The following PRKN variants were observed in gnomAD, a reference collection of about 807,000 sequenced individuals.
PRKN encodes E3 ubiquitin-protein ligase parkin.
A neutral mutation model predicts 59.5 loss-of-function variants in PRKN; 56 were observed. The ratio of observed to expected loss-of-function variants is 0.94; its 90% confidence interval spans 0.76 to 1.18. The LOEUF (loss-of-function observed/expected upper bound fraction) is 1.18. PRKN is among the 50% of genes most tolerant of loss of function. The probability of loss-of-function intolerance (pLI) is 0.00; values close to 1 mark genes in which losing one functional copy is unlikely to be tolerated. For missense variants in PRKN, 657 were observed against 596.4 expected, an observed-to-expected ratio of 1.10 and a Z score of -1.06; for synonymous variants, 250 against 222.1, an observed-to-expected ratio of 1.13 and a Z score of -1.12.
chr6:161,946,414 A>ACTCTCTCTCT (rs61537965), intron 6 of PRKN, among the ~76,000 whole-genome samples: 4 of 114,448 alleles, frequency 3.5e-5, no homozygotes, highest in East Asian at 2.7e-4. Flanking sequence ...ACACACACAC[A>ACTCTCTCTCT]CTCTCTCTCT....
At chr6:162,193,044 A>C (rs1052734959) in intron 4 of PRKN, among the ~76,000 whole-genome samples, 1 of 152,176 alleles carries the variant, frequency 6.6e-6, no homozygotes, top group Admixed American at 6.5e-5. Context: ...AAACAAACAA[A>C]AAACAGTTAT....
chr6:162,629,052 TAATG>T (rs1449292061), intron 1 of PRKN, among the ~76,000 whole-genome samples: 4 of 152,148 alleles, frequency 2.6e-5, no homozygotes, highest in Non-Finnish European at 5.9e-5. Context: ...TAATGATCCA[TAATG>T]AATGAAAAAT....
chr6:162,645,917 C>A (rs1053652009), intron 1 of PRKN, among the ~76,000 whole-genome samples: 1 of 147,372 alleles, frequency 6.8e-6, no homozygotes, highest in Non-Finnish European at 1.5e-5. Context: ...CTCTGTCGCC[C>A]AGGCTGGAGT....
intron 6 of PRKN, among the ~76,000 whole-genome samples, chr6:161,913,106 G>A (rs1778427031): frequency 6.7e-6 from 1 of 148,876 alleles, no homozygotes; most frequent in South Asian, 2.1e-4. Flanking sequence ...GGCGGAGGCT[G>A]CAGTGAGCTG....
At chr6:161,832,290 G>A (rs776645831) in intron 6 of PRKN, among the ~76,000 whole-genome samples, 1 of 152,156 alleles carries the variant, frequency 6.6e-6, no homozygotes, top group Non-Finnish European at 1.5e-5. Context: ...TTGAATAGAA[G>A]TATGGTCATG....
chr6:162,276,686 A>C (rs2128105153), intron 2 of PRKN, among the ~76,000 whole-genome samples: 1 of 128,342 alleles, frequency 7.8e-6, no homozygotes, highest in South Asian at 3.1e-4. Flanking sequence ...CTCTAACAGA[A>C]GCTGGTGTGT....
intron 1 of PRKN, among the ~76,000 whole-genome samples, chr6:162,475,107 A>C (rs1459823170): frequency 6.6e-6 from 1 of 152,184 alleles, no homozygotes; most frequent in Non-Finnish European, 1.5e-5. Context: ...AGCAATATTA[A>C]AAATGATTAT....
At chr6:161,794,424 G>A (rs117484212) in intron 6 of PRKN, among the ~76,000 whole-genome samples, 10 of 152,154 alleles carry the variant, frequency 6.6e-5, no homozygotes, top group East Asian at 1.9e-4. Flanking sequence ...CATCAGCACC[G>A]AGGCTGTCTC....
At chr6:161,682,418 G>A (rs1199812771) in intron 7 of PRKN, among the ~76,000 whole-genome samples, 1 of 152,180 alleles carries the variant, frequency 6.6e-6, no homozygotes, top group African/African-American at 2.4e-5. Context: ...TTAAGTTTGT[G>A]GTTTAAATTT....
chr6:161,469,998 G>A (rs754156523), intron 9 of PRKN, among the ~76,000 whole-genome samples: 11 of 152,110 alleles, frequency 7.2e-5, no homozygotes, highest in African/African-American at 1.9e-4. Context: ...ACTATGAACC[G>A]GGCATTGCTA....
intron 6 of PRKN, among the ~76,000 whole-genome samples, chr6:161,798,729 C>CA (rs955506616): frequency 2.6e-5 from 4 of 152,166 alleles, no homozygotes; most frequent in Non-Finnish European, 4.4e-5. Context: ...GTGTTAAAAA[C>CA]AAAAAAGGCC....
intron 9 of PRKN, among the ~76,000 whole-genome samples, chr6:161,438,424 G>A (rs1465849032): frequency 6.6e-6 from 1 of 151,812 alleles, no homozygotes; most frequent in Non-Finnish European, 1.5e-5. Context: ...CACCATGTTG[G>A]CCAAGATGGT....
intron 5 of PRKN, among the ~76,000 whole-genome samples, chr6:162,009,289 T>C (rs560480880): frequency 6.6e-6 from 1 of 151,840 alleles, no homozygotes; most frequent in Non-Finnish European, 1.5e-5. Flanking sequence ...GATACTACAT[T>C]GTCTAGATTC....
chr6:162,461,363 G>A (rs890046580), intron 1 of PRKN, among the ~76,000 whole-genome samples: 14 of 150,582 alleles, frequency 9.3e-5, no homozygotes, highest in African/African-American at 2.7e-4. Flanking sequence ...TTAGCTGGAC[G>A]TGGTGGCACA....
chr6:162,338,522 G>A (rs916158925), intron 2 of PRKN, among the ~76,000 whole-genome samples: 6 of 152,208 alleles, frequency 3.9e-5, no homozygotes, highest in South Asian at 2.1e-4. Flanking sequence ...CCGAGGTGCC[G>A]GGATTGCAGA....
chr6:161,680,775 A>ATTTTTTTTTTTTTTTT (rs869253616), intron 7 of PRKN, among the ~76,000 whole-genome samples: 2 of 30,636 alleles, frequency 6.5e-5, no homozygotes, highest in African/African-American at 2.3e-4. Flanking sequence ...ATATATATAT[A>ATTTTTTTTTTTTTTTT]TTTTTTTTTT....
chr6:161,658,460 C>A (rs1371473845), intron 7 of PRKN, among the ~76,000 whole-genome samples: 1 of 152,142 alleles, frequency 6.6e-6, no homozygotes, highest in Non-Finnish European at 1.5e-5. Context: ...AAAAGTCAAC[C>A]AGTGGAAACA....
chr6:161,392,107 C>A (rs572116190), intron 9 of PRKN, among the ~76,000 whole-genome samples: 1 of 152,048 alleles, frequency 6.6e-6, no homozygotes, highest in East Asian at 2.0e-4. Context: ...CCTATAGAAA[C>A]AAATTATTTT....
chr6:161,551,053 A>G lies in PRKN; in HGVS notation c.934-2050T>C, dbSNP rs1779995287. Among the ~76,000 whole-genome samples, 1 of 152,184 alleles carries G rather than the reference A, an allele frequency of 6.6e-6. No homozygotes were observed. The highest frequency in any genetic ancestry group is 1.5e-5 in the Non-Finnish European group (1 of 68,032). The stretch of plus-strand genomic sequence containing the variant: ...CCAGAAAAGAGGTCTAAGAGTTCGG[A>G]TGGCAAACAAACTAGAATCTCTGAA... On this transcript the variant is annotated intron_variant, in intron 8 of 11. Coordinates refer to ENST00000366898, the MANE Select transcript of PRKN (RefSeq NM_004562.3). The surrounding 1 kb of genome is among the most constrained non-coding windows in gnomAD (Gnocchi z 5.2).
Sources: gnomAD v4.1 joint callset for allele counts (sites outside exome capture counted in the v4.1 genomes callset) on GRCh38, gnomAD v4.1.1 for gene constraint, Gnocchi (gnomAD v3.1) non-coding constraint, MANE v1.5 for transcripts, NCBI Gene and HGNC (gene_info 2026-07-23, HGNC 2026-07-21) for gene names.